SPSB4: variants seen among roughly 807,000 people sequenced by gnomAD.
The protein encoded by SPSB4 is SPRY domain-containing SOCS box protein 4.
A neutral mutation model predicts 20.9 loss-of-function variants in SPSB4; 21 were observed. The ratio of observed to expected loss-of-function variants is 1.01; its 90% CI spans 0.71 to 1.45. SPSB4 has a LOEUF of 1.45. Among genes scored for constraint, SPSB4 ranks in the 40% most tolerant of loss-of-function variants. The pLI, the probability that SPSB4 is intolerant of heterozygous loss-of-function variation, is 0.00. For missense variants in SPSB4, 399 were observed against 399.2 expected (o/e 1.00, Z 0.00); for synonymous variants, 207 against 183.8 (o/e 1.13, Z -1.02).
intron 2 of SPSB4, among the ~76,000 whole-genome samples, chr3:141,073,006 A>C (rs1938035211): frequency 6.6e-6 from 1 of 152,252 alleles, no homozygotes; most frequent in African/African-American, 2.4e-5. Context: ...GCATGGGTCC[A>C]TGATATGGTT....
chr3:141,054,367 A>T (rs905756728), intron 1 of SPSB4, among the ~76,000 whole-genome samples: 4 of 152,254 alleles, frequency 2.6e-5, no homozygotes, highest in African/African-American at 9.6e-5. Context: ...CTCTTGATTT[A>T]TGTGAACATG....
intron 2 of SPSB4, among the ~76,000 whole-genome samples, chr3:141,110,338 A>G (rs750076026): frequency 2.6e-4 from 40 of 152,346 alleles, no homozygotes; most frequent in Middle Eastern, 6.8e-3. Flanking sequence ...ATTAAAACAG[A>G]GCAAGTTAAC....
chr3:141,107,035 CCCA>C (rs1938705620), intron 2 of SPSB4, among the ~76,000 whole-genome samples: 4 of 152,192 alleles, frequency 2.6e-5, no homozygotes, highest in African/African-American at 9.7e-5. Context: ...TCTCATGGGC[CCCA>C]CTGGGATCTC....
intron 2 of SPSB4, 136 bp downstream of exon 2, chr3:141,066,934 T>A: frequency 1.2e-6 from 1 of 865,538 alleles, no homozygotes; most frequent in East Asian, 3.0e-5. Context: ...GTTTCAATCC[T>A]GACTCTCTGC....
At chr3:141,126,775 C>T (rs1222383111) in intron 2 of SPSB4, among the ~76,000 whole-genome samples, 4 of 152,306 alleles carry the variant, frequency 2.6e-5, no homozygotes, top group African/African-American at 9.6e-5. Context: ...GACTTGAATT[C>T]CTCTGTGAAA....
intron 2 of SPSB4, among the ~76,000 whole-genome samples, chr3:141,079,423 T>G (rs1302885940): frequency 1.3e-5 from 2 of 152,112 alleles, no homozygotes; most frequent in South Asian, 2.1e-4. Flanking sequence ...TAGCTACCAA[T>G]AGTAAATTGA....
At chr3:141,104,162 T>C (rs141330686) in intron 2 of SPSB4, among the ~76,000 whole-genome samples, 187 of 152,266 alleles carry the variant, frequency 1.2e-3, no homozygotes, top group African/African-American at 4.0e-3. Flanking sequence ...TGCAGGTCCC[T>C]GCGGGTGCAG....
At chr3:141,132,231 G>A (rs140090822) in intron 2 of SPSB4, 185 of 422,374 alleles carry the variant, frequency 4.4e-4, no homozygotes, top group African/African-American at 3.4e-3. Flanking sequence ...GCAGTGGCAC[G>A]ATCTCGGCTC....
chr3:141,125,365 A>G (rs551926702), intron 2 of SPSB4, among the ~76,000 whole-genome samples: 42 of 152,316 alleles, frequency 2.8e-4, no homozygotes, highest in Non-Finnish European at 5.0e-4. Flanking sequence ...AGGGTCTGCA[A>G]TCAGACAGGA....
At chr3:141,126,049 C>T (rs939873459) in intron 2 of SPSB4, among the ~76,000 whole-genome samples, 3 of 152,132 alleles carry the variant, frequency 2.0e-5, no homozygotes, top group African/African-American at 7.2e-5. Context: ...ACATCCTTGC[C>T]ACCCCACCAA....
intron 2 of SPSB4, among the ~76,000 whole-genome samples, chr3:141,074,018 T>C (rs1042217541): frequency 1.1e-4 from 16 of 152,206 alleles, no homozygotes; most frequent in Non-Finnish European, 1.5e-5. Flanking sequence ...TAGTCATAAT[T>C]CGGTTCATGG....
At chr3:141,112,169 C>G (rs535961245) in intron 2 of SPSB4, among the ~76,000 whole-genome samples, 1 of 152,196 alleles carries the variant, frequency 6.6e-6, no homozygotes, top group Admixed American at 6.5e-5. Flanking sequence ...TGGTGACCCC[C>G]CTGTGATCCA....
chr3:141,056,693 T>C (rs867565746), intron 1 of SPSB4, among the ~76,000 whole-genome samples: 1 of 152,394 alleles, frequency 6.6e-6, no homozygotes, highest in South Asian at 2.1e-4. Flanking sequence ...CATTAAATGG[T>C]ACCCTTCCCA....
At chr3:141,127,297 AC>A in intron 2 of SPSB4, among the ~76,000 whole-genome samples, 1 of 152,232 alleles carries the variant, frequency 6.6e-6, no homozygotes, top group South Asian at 2.1e-4. Flanking sequence ...AGGTCTCCAG[AC>A]CCCTTGTTCT....
chr3:141,132,206 T>A (rs1401587086), intron 2 of SPSB4: 22 of 436,256 alleles, frequency 5.0e-5, no homozygotes, highest in African/African-American at 4.4e-4. Context: ...CTCACTCGGT[T>A]GCCCTGGCCA....
intron 2 of SPSB4, among the ~76,000 whole-genome samples, chr3:141,105,603 G>C (rs72983807): frequency 0.056 from 8,535 of 152,254 alleles, 799 homozygotes; most frequent in African/African-American, 0.19. Flanking sequence ...AGCTCAAAGA[G>C]AAGTGACTTG....
chr3:141,129,753 CT>C (rs1397977452), intron 2 of SPSB4, among the ~76,000 whole-genome samples: 3 of 152,232 alleles, frequency 2.0e-5, no homozygotes, highest in Non-Finnish European at 2.9e-5. Flanking sequence ...CAAGCACTCC[CT>C]GTTCTGGGTT....
intron 2 of SPSB4, among the ~76,000 whole-genome samples, chr3:141,131,263 C>T (rs141810852): frequency 6.6e-6 from 1 of 152,152 alleles, no homozygotes; most frequent in East Asian, 1.9e-4. Flanking sequence ...AGCTCCTTCC[C>T]CCTACTTTTT....
In SPSB4 at chr3:141,126,935, C is replaced by T. The variant is rs141893789; in HGVS notation, c.695-20207C>T. ...TTCGCCTCCAATACAGCCCCCCATGCCCCAGCCCGGGCTCTCAAAGGCTGG... is the reference window on the plus strand; with the variant it reads ...TTCGCCTCCAATACAGCCCCCCATGTCCCAGCCCGGGCTCTCAAAGGCTGG... On this transcript the variant is annotated intron_variant, in intron 2 of 2. Transcript: ENST00000310546. Among the ~76,000 whole-genome samples the T allele has an allele frequency of 7.4e-4, 113 of 152,340 alleles. 2 individuals are homozygous for T. The East Asian group carries it at 0.021, about 28-fold the overall frequency.
Sources: allele counts gnomAD v4.1 joint callset (sites outside exome capture counted in the v4.1 genomes callset), GRCh38; gene constraint gnomAD v4.1.1; transcripts MANE v1.5; gene names NCBI Gene and HGNC (gene_info 2026-07-23, HGNC 2026-07-21).